Variants in QTMAN observed in about 807,000 individuals in gnomAD.
The protein encoded by QTMAN is queuosine-tRNA mannosyltransferase, also known as tRNA-queuosine alpha-mannosyltransferase.
the QTMAN span, among the ~76,000 whole-genome samples, chr2:144,101,394 T>TCTCTCACACACACACA: frequency 6.7e-6 from 1 of 150,124 alleles, no homozygotes; most frequent in African/African-American, 2.4e-5. Flanking sequence ...TATCTCTCTC[T>TCTCTCACACACACACA]CACACACACA....
the QTMAN span, among the ~76,000 whole-genome samples, chr2:143,947,538 C>T: frequency 2.6e-5 from 4 of 152,134 alleles, no homozygotes; most frequent in East Asian, 1.9e-4. Context: ...ATGATGAAGA[C>T]ACAAAGATAA....
At chr2:144,020,560 GTAACA>G in the QTMAN span, among the ~76,000 whole-genome samples, 1 of 152,202 alleles carries the variant, frequency 6.6e-6, no homozygotes, top group Admixed American at 6.5e-5. Context: ...AGAGCACCCT[GTAACA>G]CATGCCCATT....
At chr2:144,240,737 C>G in the QTMAN span, among the ~76,000 whole-genome samples, 1 of 152,174 alleles carries the variant, frequency 6.6e-6, no homozygotes, top group Non-Finnish European at 1.5e-5. Context: ...TCCACACAAA[C>G]AAGTAGAACA....
chr2:143,960,705 G>C, the QTMAN span, among the ~76,000 whole-genome samples: 3 of 152,132 alleles, frequency 2.0e-5, no homozygotes, highest in South Asian at 6.2e-4. Context: ...AATAATTGCT[G>C]TTGGCAGCAC....
the QTMAN span, among the ~76,000 whole-genome samples, chr2:144,164,565 T>A: frequency 6.6e-6 from 1 of 152,122 alleles, no homozygotes; most frequent in Non-Finnish European, 1.5e-5. Flanking sequence ...TATTAGAAAA[T>A]TCTTCTACAC....
At chr2:144,092,466 C>G in the QTMAN span, among the ~76,000 whole-genome samples, 1 of 152,120 alleles carries the variant, frequency 6.6e-6, no homozygotes, top group Admixed American at 6.6e-5. Context: ...TGAGCCACCA[C>G]GCCTGGCCAA....
the QTMAN span, among the ~76,000 whole-genome samples, chr2:144,266,198 T>C: frequency 0.027 from 4,073 of 152,222 alleles, 174 homozygotes; most frequent in African/African-American, 0.093. Flanking sequence ...AAAGGAAACT[T>C]ATGAACAAAT....
the QTMAN span, among the ~76,000 whole-genome samples, chr2:144,172,593 C>T: frequency 7.1e-6 from 1 of 140,608 alleles, no homozygotes; most frequent in Non-Finnish European, 1.5e-5. Flanking sequence ...CACTACACTC[C>T]AGCCTGGGTG....
the QTMAN span, among the ~76,000 whole-genome samples, chr2:144,067,477 T>C: frequency 6.6e-6 from 1 of 152,186 alleles, no homozygotes; most frequent in Admixed American, 6.5e-5. Context: ...AATTTGATGG[T>C]TATGCCACTC....
At chr2:144,245,554 A>C in the QTMAN span, among the ~76,000 whole-genome samples, 6 of 152,212 alleles carry the variant, frequency 3.9e-5, no homozygotes, top group African/African-American at 1.2e-4. Context: ...AGGAAATGAC[A>C]ATATAAGATA....
chr2:144,071,449 T>C, the QTMAN span, among the ~76,000 whole-genome samples: 1 of 152,180 alleles, frequency 6.6e-6, no homozygotes, highest in East Asian at 1.9e-4. Flanking sequence ...TACCCTTTTT[T>C]AGATTGGGCA....
the QTMAN span, among the ~76,000 whole-genome samples, chr2:143,981,266 T>C: frequency 9.9e-5 from 15 of 152,174 alleles, no homozygotes; most frequent in Non-Finnish European, 1.5e-4. Context: ...GAATGAATGA[T>C]AGCTGAATAG....
chr2:143,991,816 C>T, the QTMAN span, among the ~76,000 whole-genome samples: 29 of 149,616 alleles, frequency 1.9e-4, no homozygotes, highest in African/African-American at 6.4e-4. Flanking sequence ...CCAGCCGCCT[C>T]GTCCGGGAGG....
chr2:143,990,060 A>G, the QTMAN span, among the ~76,000 whole-genome samples: 1 of 152,082 alleles, frequency 6.6e-6, no homozygotes, highest in Non-Finnish European at 1.5e-5. Flanking sequence ...GGGCTTGCAC[A>G]TGGGTATTTA....
the QTMAN span, among the ~76,000 whole-genome samples, chr2:144,061,602 C>A: frequency 1.3e-5 from 2 of 152,138 alleles, no homozygotes; most frequent in African/African-American, 4.8e-5. Context: ...ACATGTTTTA[C>A]CTTCACTGTA....
the QTMAN span, among the ~76,000 whole-genome samples, chr2:144,097,109 T>C: frequency 6.6e-6 from 1 of 152,216 alleles, no homozygotes; most frequent in African/African-American, 2.4e-5. Context: ...TGTTCTTATT[T>C]TAGCCCTATA....
the QTMAN span, among the ~76,000 whole-genome samples, chr2:144,239,097 A>G: frequency 6.6e-6 from 1 of 152,132 alleles, no homozygotes; most frequent in East Asian, 1.9e-4. Flanking sequence ...GGCTATTCGA[A>G]TATTCTATTT....
At chr2:144,150,012 A>C in the QTMAN span, among the ~76,000 whole-genome samples, 1 of 152,002 alleles carries the variant, frequency 6.6e-6, no homozygotes, top group Admixed American at 6.6e-5. Context: ...GCCACTGCCC[A>C]TACATTTTAG....
chr2:144,064,451 A>C, the QTMAN span, among the ~76,000 whole-genome samples: 4,720 of 152,288 alleles, frequency 0.031, 191 homozygotes, highest in East Asian at 0.18. Context: ...GAGTATTATA[A>C]GATAATATAC....
Sources: gnomAD v4.1 joint callset for allele counts (sites outside exome capture counted in the v4.1 genomes callset) on GRCh38, gnomAD v4.1.1 for gene constraint, MANE v1.5 for transcripts, NCBI Gene and HGNC (gene_info 2026-07-23, HGNC 2026-07-21) for gene names.